The following PLAUR variants were observed in gnomAD, a reference collection of about 807,000 sequenced individuals.
PLAUR encodes urokinase plasminogen activator surface receptor.
Under a neutral mutation model 33.4 loss-of-function variants are expected in PLAUR, and 22 were observed. That is an observed-to-expected ratio of 0.66 (90% confidence interval 0.47 to 0.94). The LOEUF (loss-of-function observed/expected upper bound fraction) is 0.94. PLAUR is among the 40% of genes least tolerant of loss of function. PLAUR has a pLI of 0.00. For synonymous variants in PLAUR, 148 were observed against 167.3 expected (o/e 0.88, Z 0.89); for missense variants, 408 against 434.7 (o/e 0.94, Z 0.55).
chr19:43,652,323 C>G lies in PLAUR; in HGVS notation c.656G>C (p.Cys219Ser). 1 of 1,614,074 alleles carries G rather than the reference C, an allele frequency of 6.2e-7. No homozygotes were observed. Among genetic ancestry groups the G allele is most frequent in the Non-Finnish European group, 8.5e-7 (1 of 1,179,962 alleles). Reference sequence around the variant, plus strand: ...GCATCCATGGGTGCTGTTCCCCTTGCAGCTGTAACACTGGCGGCCATTCTG... The same window carrying G: ...GCATCCATGGGTGCTGTTCCCCTTGGAGCTGTAACACTGGCGGCCATTCTG... The part of the protein sequence containing the change: ...LPQNGRQCYS[C>S]KGNSTHGCSS... The change falls in exon 6 of 7, where the codon TGC (cysteine) becomes TCC (serine). Residue 219 changes from cysteine to serine, a missense_variant. Cys to Ser is a moderately radical substitution (Grantham distance 112, BLOSUM62 -1). Coordinates refer to ENST00000340093, the MANE Select transcript of PLAUR (RefSeq NM_002659.4).
chr19:43,649,624 AAAG>A (rs1455817150), intron 6 of PLAUR, among the ~76,000 whole-genome samples: 1 of 114,990 alleles, frequency 8.7e-6, no homozygotes, highest in Non-Finnish European at 2.0e-5. Flanking sequence ...AAGGGAAAGA[AAAG>A]AAAGAAAGAG....
At chr19:43,669,362 G>A (rs985337252) in intron 1 of PLAUR, among the ~76,000 whole-genome samples, 9 of 152,132 alleles carry the variant, frequency 5.9e-5, no homozygotes, top group Non-Finnish European at 1.2e-4. Context: ...GGGCGCTGCA[G>A]GGTCAGATCC....
At chr19:43,659,162 C>CTT (rs1555780377) in intron 3 of PLAUR, among the ~76,000 whole-genome samples, 3 of 10,752 alleles carry the variant, frequency 2.8e-4, no homozygotes, top group South Asian at 3.3e-3. Flanking sequence ...TTTTTCTTTT[C>CTT]TTTTCTTTTT....
At chr19:43,649,853 A>G (rs1197822864) in intron 6 of PLAUR, among the ~76,000 whole-genome samples, 1 of 152,146 alleles carries the variant, frequency 6.6e-6, no homozygotes, top group Admixed American at 6.6e-5. Context: ...TTTCACTCTC[A>G]TAAGTGTACA....
intron 5 of PLAUR, among the ~76,000 whole-genome samples, chr19:43,652,997 G>C (rs1974060173): frequency 6.6e-6 from 1 of 151,632 alleles, no homozygotes; most frequent in South Asian, 2.1e-4. Context: ...AATTTTTTTT[G>C]AGACGGAGTC....
intron 6 of PLAUR, 40 bp from the exon 7 acceptor site, chr19:43,649,183 G>A: frequency 6.3e-7 from 1 of 1,591,024 alleles, no homozygotes; most frequent in South Asian, 1.1e-5. Flanking sequence ...CCAGCTCCTG[G>A]GCCCAGGACT....
At chr19:43,649,746 G>GA (rs145123727) in intron 6 of PLAUR, among the ~76,000 whole-genome samples, 6 of 150,636 alleles carry the variant, frequency 4.0e-5, no homozygotes, top group African/African-American at 7.3e-5. Context: ...GAAAAGGAAA[G>GA]AAAAAAAAAG....
At chr19:43,667,889 G>T (rs1019697313) in intron 1 of PLAUR, 198 bp from the exon 2 acceptor site, 31 of 1,419,264 alleles carry the variant, frequency 2.2e-5, no homozygotes, top group Admixed American at 2.8e-5. Flanking sequence ...CCCACTAACT[G>T]AACGTTCTAT....
At position 43,648,735 on chromosome 19, in the gene PLAUR, T is replaced by C; in HGVS notation, c.*155A>G. The C allele has an allele frequency of 2.1e-6, 2 of 933,958 alleles. No homozygotes were observed. Among genetic ancestry groups the C allele is most frequent in the Non-Finnish European group, 3.2e-6 (2 of 632,024 alleles). The allele number at this position is 933,958 out of a possible 1,614,324, so 57.9% of individuals were successfully genotyped here. A position where few individuals can be genotyped will look rare whatever the true frequency, so the allele number is the denominator to read the frequency against. ...CTTTTCTCTTCTGCTTCACACAACT[T>C]TGTGAGATAGCTGTTTTCATAGCTG... On this transcript the variant is annotated 3_prime_UTR_variant, in exon 7 of 7. Transcript: ENST00000340093.
rs1005818309 is a variant in PLAUR, at chr19:43,667,597, G to T, written c.150C>A (p.Ile50=). 6.2e-7 allele frequency: 1 copy of T among 1,613,412 alleles called. No homozygotes were observed. The highest frequency in any genetic ancestry group is 8.5e-7 in the Non-Finnish European group (1 of 1,179,442). The change falls in exon 2 of 7, where the codon ATC becomes ATA. Residue 50 remains isoleucine (I), a synonymous_variant. Transcript: ENST00000340093. ...GAAGCTCACCTTCCCACAAGCGCAC[G>T]ATCGTGGTCCTGCAGAGGTCCTGTC... The part of the protein sequence containing the change: ...ALGQDLCRTT[I]VRLWEEGEEL...
chr19:43,660,475 G>GTT (rs34200864), intron 3 of PLAUR: 18 of 143,752 alleles, frequency 1.3e-4, no homozygotes, highest in Admixed American at 9.2e-4. Flanking sequence ...GCCCGGCCTG[G>GTT]TTTTTTTTTT....
chr19:43,655,668 A>G, intron 4 of PLAUR, 95 bp from the exon 5 acceptor site: 1 of 1,113,370 alleles, frequency 9.0e-7, no homozygotes, highest in Non-Finnish European at 1.3e-6. Context: ...ACCATTCTCT[A>G]CTTCACCCTT....
rs142848126 is a variant in PLAUR at position 43,657,100 on chromosome 19, C to T, written c.311-460G>A. Among the ~76,000 whole-genome samples the T allele has an allele frequency of 7.1e-3, 1,084 of 152,092 alleles. 13 individuals carry two copies. Among genetic ancestry groups the T allele is most frequent in the African/African-American group, 0.023 (973 of 41,498 alleles). The stretch of plus-strand genomic sequence containing the variant: ...CTGGGACTACAGGCGTGCACCATCA[C>T]GCTGGGCTAATTTTTGTATTTTTAG... On this transcript the variant is annotated intron_variant, in intron 3 of 6. Coordinates refer to ENST00000340093, the MANE Select transcript of PLAUR (RefSeq NM_002659.4).
At chr19:43,663,834 A>AG (rs1422039987) in intron 3 of PLAUR, among the ~76,000 whole-genome samples, 1 of 151,874 alleles carries the variant, frequency 6.6e-6, no homozygotes, top group East Asian at 1.9e-4. Context: ...AACAAAAAAA[A>AG]AAAGAAAGAA....
intron 3 of PLAUR, among the ~76,000 whole-genome samples, chr19:43,658,337 C>T (rs951535693): frequency 1.3e-5 from 2 of 151,884 alleles, no homozygotes; most frequent in East Asian, 1.9e-4. Flanking sequence ...GCTGACATCT[C>T]GACTGCAGGC....
chr19:43,656,437 A>T (rs760638432), intron 4 of PLAUR, 42 bp downstream of exon 4: 1 of 1,525,026 alleles, frequency 6.6e-7, no homozygotes, highest in Non-Finnish European at 8.8e-7. Flanking sequence ...CTTAGGGAGG[A>T]GCAGAGCAGG....
intron 2 of PLAUR, 139 bp from the exon 3 acceptor site, chr19:43,665,598 T>A (rs531657558): frequency 1.4e-6 from 1 of 708,896 alleles, no homozygotes; most frequent in Non-Finnish European, 2.2e-6. Flanking sequence ...ACTCTGTCTT[T>A]TTCTAGAGTT....
At chr19:43,667,469 C>T (rs1967304299) in intron 2 of PLAUR, 112 bp downstream of exon 2, 1 of 735,620 alleles carries the variant, frequency 1.4e-6, no homozygotes, top group Non-Finnish European at 2.4e-6. Flanking sequence ...AATGGGCTCT[C>T]CTTGTTTGTT....
intron 3 of PLAUR, among the ~76,000 whole-genome samples, chr19:43,664,323 C>A (rs1308498262): frequency 3.3e-5 from 5 of 152,226 alleles, no homozygotes; most frequent in Non-Finnish European, 5.9e-5. Flanking sequence ...ACTGGCCTTA[C>A]CCTATTTCCT....
Sources: gnomAD v4.1 joint callset for allele counts (sites outside exome capture counted in the v4.1 genomes callset) on GRCh38, gnomAD v4.1.1 for gene constraint, MANE v1.5 for transcripts, NCBI Gene and HGNC (gene_info 2026-07-23, HGNC 2026-07-21) for gene names.